EYA1: variants seen among roughly 807,000 people sequenced by gnomAD.
EYA1 encodes the protein EYA transcriptional coactivator and phosphatase 1, also known as protein phosphatase EYA1.
In EYA1, 16 loss-of-function variants were observed where a neutral mutation model predicts 82.0. The ratio of observed to expected loss-of-function variants is 0.20; its 90% confidence interval spans 0.13 to 0.30. The LOEUF (loss-of-function observed/expected upper bound fraction) is 0.30, where lower values mean the gene tolerates loss of function less well. Ranked by LOEUF, EYA1 falls within the 10% of genes least tolerant of loss-of-function variation. The pLI is 1.00. For missense variants in EYA1, 633 were observed against 730.7 expected (o/e 0.87, Z 1.54); for synonymous variants, 261 against 264.4 (o/e 0.99, Z 0.12).
chr8:71,271,727 T>C, intron 10 of EYA1, 31 bp downstream of exon 10: 2 of 1,614,030 alleles, frequency 1.2e-6, no homozygotes, highest in Non-Finnish European at 8.5e-7. Context: ...AAGACACCTT[T>C]CTATTCACTT....
At chr8:71,438,027 T>G (rs1806134201) in intron 2 of EYA1, among the ~76,000 whole-genome samples, 1 of 152,050 alleles carries the variant, frequency 6.6e-6, no homozygotes, top group African/African-American at 2.4e-5. Context: ...TCTGAATGGG[T>G]CATGCATGAA....
intron 2 of EYA1, among the ~76,000 whole-genome samples, chr8:71,429,138 T>A (rs1182916667): frequency 1.3e-5 from 2 of 152,196 alleles, no homozygotes; most frequent in African/African-American, 4.8e-5. Flanking sequence ...ATATAATTTA[T>A]CCTGAGTCTT....
At chr8:71,228,095 C>G (rs1436645853) in intron 12 of EYA1, among the ~76,000 whole-genome samples, 1 of 152,102 alleles carries the variant, frequency 6.6e-6, no homozygotes, top group African/African-American at 2.4e-5. Context: ...TATGCAGAAC[C>G]GGACATAGGC....
At chr8:71,338,530 C>T (rs1824761709) in intron 3 of EYA1, among the ~76,000 whole-genome samples, 1 of 152,306 alleles carries the variant, frequency 6.6e-6, no homozygotes, top group East Asian at 1.9e-4. Context: ...CTATCAAGAT[C>T]ATGCCACTAA....
intron 2 of EYA1, among the ~76,000 whole-genome samples, chr8:71,422,693 C>T (rs1369329226): frequency 6.6e-6 from 1 of 152,124 alleles, no homozygotes; most frequent in Non-Finnish European, 1.5e-5. Context: ...GAAACAAACG[C>T]ATCCTTCTTC....
chr8:71,334,106 A>G lies in EYA1; in HGVS notation c.193T>C (p.Ser65Pro). Residue 65 changes from serine to proline, a missense_variant, in exon 4 of 18, where the codon TCA (serine) becomes CCA (proline). Physicochemically the swap from Ser to Pro is moderately conservative, Grantham distance 74. Coordinates refer to ENST00000340726, the MANE Select transcript of EYA1 (RefSeq NM_000503.6). The stretch of plus-strand genomic sequence containing the variant: ...AATATTTATTCCTTACCTGAACCTG[A>G]GAAATTGTTTAAAGACCCGTCGGCT... ...TTADGSLNNF[S>P]GSAIGSSSFS... 1 of 1,612,772 alleles carries G rather than the reference A, an allele frequency of 6.2e-7. No homozygotes were observed. The highest frequency in any genetic ancestry group is 8.5e-7 in the Non-Finnish European group (1 of 1,178,864).
At chr8:71,543,334 T>G (rs1463330349) in intron 1 of EYA1, among the ~76,000 whole-genome samples, 1 of 152,130 alleles carries the variant, frequency 6.6e-6, no homozygotes, top group Admixed American at 6.5e-5. Context: ...CTGAGGGAAC[T>G]TTTTGGGGTA....
chr8:71,459,601 T>A (rs148002059), intron 2 of EYA1, among the ~76,000 whole-genome samples: 49 of 151,354 alleles, frequency 3.2e-4, no homozygotes, highest in African/African-American at 1.2e-3. Context: ...CATTATTTGC[T>A]ACTTTTTCAA....
rs181352229 is a variant in EYA1 at position 71,267,629 on chromosome 8, A to G, written c.1050+2111T>C. Among the ~76,000 whole-genome samples, 763 of 152,258 alleles carry G rather than the reference A, an allele frequency of 5.0e-3. 26 individuals are homozygous for G. Among genetic ancestry groups the G allele is most frequent in the Non-Finnish European group, 7.8e-4 (53 of 68,020 alleles). ...AGTGGCGCGATCTCTGCTCACTGCAAGCTCCGCCTCCCAGGTTCACGCCGT... is the reference window on the plus strand; with the variant it reads ...AGTGGCGCGATCTCTGCTCACTGCAGGCTCCGCCTCCCAGGTTCACGCCGT... On this transcript the variant is annotated intron_variant, in intron 11 of 17. Transcript: ENST00000340726.
At chr8:71,216,334 G>A (rs529284115) in intron 14 of EYA1, among the ~76,000 whole-genome samples, 2 of 152,206 alleles carry the variant, frequency 1.3e-5, no homozygotes, top group South Asian at 4.2e-4. Context: ...ACTAATCCAA[G>A]TATTTACCCT....
intron 2 of EYA1, among the ~76,000 whole-genome samples, chr8:71,507,220 A>G (rs1359091301): frequency 6.6e-6 from 1 of 152,276 alleles, no homozygotes; most frequent in Non-Finnish European, 1.5e-5. Context: ...TAGAGACACC[A>G]AAAGTTAAGA....
At chr8:71,463,645 C>G (rs1332799297) in intron 2 of EYA1, among the ~76,000 whole-genome samples, 2 of 131,660 alleles carry the variant, frequency 1.5e-5, no homozygotes, top group East Asian at 2.5e-4. Context: ...CTCCCTCCCC[C>G]CTCCCACACA....
At chr8:71,465,479 C>T (rs965856982) in intron 2 of EYA1, among the ~76,000 whole-genome samples, 4 of 151,848 alleles carry the variant, frequency 2.6e-5, no homozygotes, top group East Asian at 1.9e-4. Context: ...AAAAATTAGC[C>T]GGGTATGGTG....
chr8:71,371,072 C>T (rs1358851401), intron 2 of EYA1, among the ~76,000 whole-genome samples: 1 of 152,140 alleles, frequency 6.6e-6, no homozygotes, highest in East Asian at 1.9e-4. Flanking sequence ...CCTCCCATCC[C>T]CAACATTTTA....
chr8:71,440,225 C>T (rs1806314791), intron 2 of EYA1, among the ~76,000 whole-genome samples: 1 of 152,084 alleles, frequency 6.6e-6, no homozygotes, highest in Admixed American at 6.6e-5. Flanking sequence ...CACAAAAGGC[C>T]CTATGTGCTA....
intron 9 of EYA1, among the ~76,000 whole-genome samples, chr8:71,284,106 G>A (rs1818117254): frequency 1.3e-5 from 2 of 152,288 alleles, no homozygotes; most frequent in African/African-American, 4.8e-5. Flanking sequence ...ACTTGTCAAT[G>A]AGGAGGCCAG....
chr8:71,261,497 G>A (rs1015400713), intron 11 of EYA1, among the ~76,000 whole-genome samples: 4 of 152,166 alleles, frequency 2.6e-5, no homozygotes, highest in Non-Finnish European at 4.4e-5. Context: ...CCTCAAACTT[G>A]TGGTGGGGCT....
intron 2 of EYA1, among the ~76,000 whole-genome samples, chr8:71,493,761 C>T (rs575354210): frequency 5.9e-5 from 9 of 151,492 alleles, no homozygotes; most frequent in Non-Finnish European, 8.8e-5. Context: ...CGGTGGCTCA[C>T]GCCTGTAATC....
intron 2 of EYA1, among the ~76,000 whole-genome samples, chr8:71,447,103 T>A (rs1586733348): frequency 7.1e-6 from 1 of 140,384 alleles, no homozygotes; most frequent in African/African-American, 2.7e-5. Flanking sequence ...TATATATATA[T>A]AAAATTAGTG....
Sources: allele counts gnomAD v4.1 joint callset (sites outside exome capture counted in the v4.1 genomes callset), GRCh38; gene constraint gnomAD v4.1.1; transcripts MANE v1.5; gene names NCBI Gene and HGNC (gene_info 2026-07-23, HGNC 2026-07-21).